The following MCUB variants were observed in gnomAD, a reference collection of about 807,000 sequenced individuals.
MCUB encodes mitochondrial calcium uniporter dominant negative subunit beta.
Under a neutral mutation model 41.4 loss-of-function variants are expected in MCUB, and 46 were observed. The ratio of observed to expected loss-of-function variants is 1.11; its 90% CI spans 0.88 to 1.42. The LOEUF (loss-of-function observed/expected upper bound fraction) is 1.42. Ranked by LOEUF, MCUB falls within the 40% of genes most tolerant of loss-of-function variation. The pLI is 0.00. For missense variants in MCUB, 403 were observed against 404.9 expected (o/e 1.00, Z 0.04); for synonymous variants, 148 against 148.2 (o/e 1.00, Z 0.01).
rs189641661 is a variant in MCUB, at chr4:109,580,764, T to C, written c.99+20328T>C. Among the ~76,000 whole-genome samples, 1,021 of 152,322 alleles carry C rather than the reference T, an allele frequency of 6.7e-3. 11 individuals are homozygous for C. Among genetic ancestry groups the C allele is most frequent in the African/African-American group, 0.023 (969 of 41,562 alleles). On this transcript the variant is annotated intron_variant, in intron 1 of 7. Coordinates refer to ENST00000394650, the MANE Select transcript of MCUB (RefSeq NM_017918.5). ...TGCATTTGCTTAAGTTCTTTGTAGATTCTGGATATTAGCCCTTTGTCAGAT... is the reference window on the plus strand; with the variant it reads ...TGCATTTGCTTAAGTTCTTTGTAGACTCTGGATATTAGCCCTTTGTCAGAT...
At chr4:109,599,194 T>TG (rs1561222519) in intron 1 of MCUB, among the ~76,000 whole-genome samples, 1 of 152,236 alleles carries the variant, frequency 6.6e-6, no homozygotes, top group Non-Finnish European at 1.5e-5. Flanking sequence ...AAGCCTTACT[T>TG]AATCAAGTGT....
At chr4:109,630,298 A>G (rs949077060) in intron 1 of MCUB, among the ~76,000 whole-genome samples, 2 of 152,094 alleles carry the variant, frequency 1.3e-5, no homozygotes, top group Non-Finnish European at 1.5e-5. Context: ...TGTCTCTGAA[A>G]AAATAAAATA....
intron 1 of MCUB, among the ~76,000 whole-genome samples, chr4:109,615,228 T>C (rs192745460): frequency 1.8e-4 from 27 of 152,186 alleles, no homozygotes; most frequent in African/African-American, 6.3e-4. Flanking sequence ...GGGTGAAAGT[T>C]AACTTAGTGA....
At chr4:109,612,226 A>G (rs1033980818) in intron 1 of MCUB, among the ~76,000 whole-genome samples, 4 of 149,902 alleles carry the variant, frequency 2.7e-5, no homozygotes, top group Non-Finnish European at 4.4e-5. Context: ...ACAGGAGGAG[A>G]GAGAAAGCTC....
Position 109,664,368 on chromosome 4 carries a change from C to CAT in MCUB, c.428_429dup (p.Asp144MetfsTer22). On this transcript the variant is annotated frameshift_variant, in exon 4 of 8. Transcript: ENST00000394650. LOFTEE classifies it high-confidence loss of function. ...TTTAAACTTGTCATTAATAAAATAG[C>CAT]ATATGATGTGCAGTGTCCAAAGAGA... is the stretch of plus-strand genomic sequence containing the variant. The CAT allele has an allele frequency of 3.4e-6, 5 of 1,491,240 alleles. No homozygotes were observed. Among genetic ancestry groups the CAT allele is most frequent in the Non-Finnish European group, 4.7e-6 (5 of 1,069,630 alleles). 92.4% of individuals were successfully genotyped at this position (1,491,240 alleles called of 1,614,324 possible).
At chr4:109,646,169 T>C (rs994509650) in intron 1 of MCUB, among the ~76,000 whole-genome samples, 1 of 152,086 alleles carries the variant, frequency 6.6e-6, no homozygotes, top group African/African-American at 2.4e-5. Context: ...GCTTTCTAGC[T>C]CAGACCTTTC....
chr4:109,610,615 G>A (rs564182799), intron 1 of MCUB, among the ~76,000 whole-genome samples: 1 of 152,256 alleles, frequency 6.6e-6, no homozygotes, highest in Middle Eastern at 3.4e-3. Context: ...TATGTGAGAT[G>A]TACATAAAAA....
intron 1 of MCUB, among the ~76,000 whole-genome samples, chr4:109,586,597 C>A (rs181686632): frequency 1.3e-5 from 2 of 152,036 alleles, no homozygotes; most frequent in Non-Finnish European, 2.9e-5. Context: ...GTTTTATTTA[C>A]GTTTGGTCTT....
intron 1 of MCUB, among the ~76,000 whole-genome samples, chr4:109,588,800 T>C (rs1727369492): frequency 6.6e-6 from 1 of 152,242 alleles, no homozygotes; most frequent in Admixed American, 6.5e-5. Flanking sequence ...GATAGCTTAG[T>C]CTACACCATC....
At chr4:109,570,794 A>G (rs1332373440) in intron 1 of MCUB, among the ~76,000 whole-genome samples, 2 of 152,250 alleles carry the variant, frequency 1.3e-5, no homozygotes, top group Admixed American at 6.5e-5. Flanking sequence ...AGTCATGGTT[A>G]TTGTACATGG....
At chr4:109,635,510 G>A (rs1476335291) in intron 1 of MCUB, among the ~76,000 whole-genome samples, 1 of 152,154 alleles carries the variant, frequency 6.6e-6, no homozygotes, top group African/African-American at 2.4e-5. Context: ...GCTAGGGTAG[G>A]AGGGCCAGCT....
At chr4:109,598,524 G>T (rs1048429669) in intron 1 of MCUB, among the ~76,000 whole-genome samples, 2 of 152,096 alleles carry the variant, frequency 1.3e-5, no homozygotes, top group Non-Finnish European at 1.5e-5. Flanking sequence ...CAGGGAGGTT[G>T]CAGTGAGCCG....
intron 1 of MCUB, among the ~76,000 whole-genome samples, chr4:109,629,086 A>G (rs1246789523): frequency 6.6e-6 from 1 of 152,074 alleles, no homozygotes; most frequent in African/African-American, 2.4e-5. Context: ...ATCTCCCTAA[A>G]TTAAAATTGA....
intron 3 of MCUB, among the ~76,000 whole-genome samples, chr4:109,660,763 C>T (rs577659885): frequency 1.3e-5 from 2 of 151,742 alleles, no homozygotes; most frequent in Non-Finnish European, 2.9e-5. Flanking sequence ...TTGCAGTGAG[C>T]CGAGATCACG....
chr4:109,584,194 A>G (rs961310637), intron 1 of MCUB, among the ~76,000 whole-genome samples: 2 of 152,222 alleles, frequency 1.3e-5, no homozygotes, highest in South Asian at 4.1e-4. Context: ...GTATGTGTCC[A>G]GGAATTTATC....
At chr4:109,583,458 TTGGGCTGAGATGATG>T (rs1727231612) in intron 1 of MCUB, among the ~76,000 whole-genome samples, 1 of 152,218 alleles carries the variant, frequency 6.6e-6, no homozygotes, top group Non-Finnish European at 1.5e-5. Flanking sequence ...TAAGGAGATT[TTGGGCTGAGATGATG>T]GGGTTTTCTA....
At chr4:109,670,842 A>G (rs1729440129) in intron 4 of MCUB, among the ~76,000 whole-genome samples, 1 of 152,078 alleles carries the variant, frequency 6.6e-6, no homozygotes. Flanking sequence ...TATCTAGTAG[A>G]GCTCCTAGAA....
intron 1 of MCUB, among the ~76,000 whole-genome samples, chr4:109,608,332 G>C (rs928771383): frequency 6.6e-6 from 1 of 152,004 alleles, no homozygotes; most frequent in Non-Finnish European, 1.5e-5. Flanking sequence ...CTTCAAAACA[G>C]CTATTTTGAG....
chr4:109,609,136 G>A (rs1470603402), intron 1 of MCUB, among the ~76,000 whole-genome samples: 2 of 152,126 alleles, frequency 1.3e-5, no homozygotes, highest in Non-Finnish European at 2.9e-5. Flanking sequence ...ACTGGGAAGG[G>A]CTCCCAATCC....
Sources: gnomAD v4.1 joint callset for allele counts (sites outside exome capture counted in the v4.1 genomes callset) on GRCh38, gnomAD v4.1.1 for gene constraint, MANE v1.5 for transcripts, NCBI Gene and HGNC (gene_info 2026-07-23, HGNC 2026-07-21) for gene names.